Variants in TUBGCP3 observed in about 807,000 individuals in gnomAD.
TUBGCP3 encodes tubulin gamma complex component 3, also known as gamma-tubulin complex component 3.
TUBGCP3 carries 50 observed loss-of-function variants against 123.1 expected under a neutral mutation model. That is an observed-to-expected ratio of 0.41 (90% confidence interval 0.32 to 0.51). TUBGCP3 has a LOEUF of 0.51. TUBGCP3 is among the 20% of genes least tolerant of loss of function. The pLI is 0.36. For missense variants in TUBGCP3, 882 were observed against 1,127.0 expected (o/e 0.78, Z 3.11); for synonymous variants, 405 against 413.9 (o/e 0.98, Z 0.26).
intron 2 of TUBGCP3, among the ~76,000 whole-genome samples, chr13:112,568,703 G>A (rs945976503): frequency 3.3e-5 from 5 of 152,216 alleles, no homozygotes; most frequent in African/African-American, 7.2e-5. Context: ...GCACCACTGC[G>A]TTTGGCTTAT....
At chr13:112,541,397 C>G (rs1219955999) in intron 11 of TUBGCP3, among the ~76,000 whole-genome samples, 3 of 152,066 alleles carry the variant, frequency 2.0e-5, no homozygotes, top group African/African-American at 7.2e-5. Context: ...TGAAAATTAG[C>G]TGGGCGAGGT....
chr13:112,578,128 C>T (rs139941767), intron 1 of TUBGCP3, among the ~76,000 whole-genome samples: 458 of 152,214 alleles, frequency 3.0e-3, no homozygotes, highest in African/African-American at 0.01. Flanking sequence ...GCTACCCTGA[C>T]GCACCATAAT....
At chr13:112,565,800 T>C (rs956801324) in intron 2 of TUBGCP3, among the ~76,000 whole-genome samples, 1 of 152,082 alleles carries the variant, frequency 6.6e-6, no homozygotes, top group Non-Finnish European at 1.5e-5. Context: ...CTGGGTGTGT[T>C]AGCGGGCACC....
chr13:112,541,745 T>A (rs1878532719), intron 11 of TUBGCP3, among the ~76,000 whole-genome samples: 1 of 152,178 alleles, frequency 6.6e-6, no homozygotes, highest in South Asian at 2.1e-4. Context: ...TTATTAGCAA[T>A]ATATATCCTA....
chr13:112,523,690 T>C (rs973005723), intron 13 of TUBGCP3, among the ~76,000 whole-genome samples: 8 of 152,332 alleles, frequency 5.3e-5, no homozygotes, highest in Admixed American at 3.3e-4. Flanking sequence ...AAGAGAAGGT[T>C]TGAATCAGTC....
chr13:112,538,454 C>G (rs536631571), intron 11 of TUBGCP3, among the ~76,000 whole-genome samples: 19 of 151,894 alleles, frequency 1.3e-4, no homozygotes, highest in African/African-American at 4.1e-4. Context: ...AAATTTGGGT[C>G]TCTTTGCTCT....
intron 6 of TUBGCP3, 61 bp from the exon 7 acceptor site, chr13:112,555,066 T>C (rs1879915196): frequency 9.3e-7 from 1 of 1,074,442 alleles, no homozygotes; most frequent in South Asian, 1.5e-5. Flanking sequence ...ACAATAGATA[T>C]TATGGTGCAA....
chr13:112,576,996 AAG>A (rs952233624), intron 1 of TUBGCP3, among the ~76,000 whole-genome samples: 15 of 146,166 alleles, frequency 1.0e-4, no homozygotes, highest in Non-Finnish European at 3.1e-5. Flanking sequence ...AAAAAAAAAA[AAG>A]AAAAAAAAAT....
chr13:112,599,140 G>A, the TUBGCP3 span, among the ~76,000 whole-genome samples: 1 of 152,158 alleles, frequency 6.6e-6, no homozygotes, highest in African/African-American at 2.4e-5. Context: ...TTCTGATCGC[G>A]TATTATCACG....
intron 11 of TUBGCP3, among the ~76,000 whole-genome samples, chr13:112,536,167 G>A (rs1464025919): frequency 6.6e-6 from 1 of 152,236 alleles, no homozygotes; most frequent in Admixed American, 6.5e-5. Context: ...ATTGTAGCAT[G>A]TTTTAAAATC....
chr13:112,559,400 C>A lies in TUBGCP3; in HGVS notation c.253-1G>T. ...TTGACCATTTATTTTTCAAAACTCC[C>A]TGTTTGGAAAAAAGTTAATATTAAA... On this transcript the variant is annotated splice_acceptor_variant, in intron 3 of 21. Coordinates refer to ENST00000261965, the MANE Select transcript of TUBGCP3 (RefSeq NM_006322.6). LOFTEE classifies it high-confidence loss of function. 6.3e-7 allele frequency: 1 copy of A among 1,593,714 alleles called. No individual in the cohort carries two copies. The highest frequency in any genetic ancestry group is 1.7e-5 in the Admixed American group (1 of 58,456).
chr13:112,493,438 T>G (rs56255216), intron 20 of TUBGCP3, among the ~76,000 whole-genome samples: 85 of 79,928 alleles, frequency 1.1e-3, no homozygotes, highest in South Asian at 2.7e-3. Context: ...TATGGGAACA[T>G]GGCCTGGTGT....
At position 112,569,168 on chromosome 13, in the gene TUBGCP3, T is replaced by C; in HGVS notation, c.168A>G (p.Glu56=). 1 of 1,614,212 alleles carries C rather than the reference T, an allele frequency of 6.2e-7. No homozygotes were observed. The change falls in exon 2 of 22, where the codon GAA becomes GAG. Residue 56 remains glutamate (E), a synonymous_variant. Coordinates refer to ENST00000261965, the MANE Select transcript of TUBGCP3 (RefSeq NM_006322.6). ...AATACGTACGCTCTTTCTTGATTTTTTCAGCTACTAAAAATTCATCTCTTT... is the reference window on the plus strand; with the variant it reads ...AATACGTACGCTCTTTCTTGATTTTCTCAGCTACTAAAAATTCATCTCTTT... ...TVERDEFLVA[E]KIKKELIRQR...
chr13:112,561,445 C>T (rs886629767), intron 3 of TUBGCP3, among the ~76,000 whole-genome samples: 1 of 152,214 alleles, frequency 6.6e-6, no homozygotes, highest in African/African-American at 2.4e-5. Flanking sequence ...GAATAACTCA[C>T]CCAAATCACA....
At chr13:112,488,607 C>T (rs1879839143) in intron 21 of TUBGCP3, among the ~76,000 whole-genome samples, 2 of 151,184 alleles carry the variant, frequency 1.3e-5, no homozygotes, top group African/African-American at 2.5e-5. Context: ...GGGCCACCCC[C>T]AGGTCCCCAC....
chr13:112,552,598 C>T (rs1481691272), intron 8 of TUBGCP3, among the ~76,000 whole-genome samples: 1 of 152,220 alleles, frequency 6.6e-6, no homozygotes, highest in Non-Finnish European at 1.5e-5. Context: ...CACTACCCCA[C>T]TCTATGCAGG....
At chr13:112,590,545 G>T (rs1411432912), upstream of TUBGCP3, among the ~76,000 whole-genome samples, 2 of 152,028 alleles carry the variant, frequency 1.3e-5, no homozygotes, top group African/African-American at 2.4e-5. Flanking sequence ...TCCTAGTGAT[G>T]GTTTGTGTAT....
chr13:112,545,598 T>G lies in TUBGCP3; in HGVS notation c.1335+101A>C. The G allele has an allele frequency of 7.2e-7, 1 of 1,389,924 alleles. No individual in the cohort carries two copies. Among genetic ancestry groups the G allele is most frequent in the Non-Finnish European group, 1.0e-6 (1 of 994,424 alleles). 86.1% of individuals were successfully genotyped at this position (1,389,924 alleles called of 1,614,324 possible). ...TTCAATGGAAGTGCAGTTGCATTCC[T>G]GTTAGGAGAACATGGTAATCATGAG... On this transcript the variant is annotated intron_variant, in intron 11 of 21. Coordinates refer to ENST00000261965, the MANE Select transcript of TUBGCP3 (RefSeq NM_006322.6). The surrounding 1 kb of genome is among the most constrained non-coding windows in gnomAD (Gnocchi z 4.1).
intron 2 of TUBGCP3, among the ~76,000 whole-genome samples, chr13:112,566,941 G>A (rs181433229): frequency 1.0e-3 from 154 of 152,262 alleles, no homozygotes; most frequent in Admixed American, 5.0e-3. Flanking sequence ...CGGTTATATC[G>A]AATGGAAAAT....
Sources: allele counts gnomAD v4.1 joint callset (sites outside exome capture counted in the v4.1 genomes callset), GRCh38; gene constraint gnomAD v4.1.1; non-coding constraint Gnocchi (gnomAD v3.1); transcripts MANE v1.5; gene names NCBI Gene and HGNC (gene_info 2026-07-23, HGNC 2026-07-21).